HNRNPUL1: variants seen among roughly 807,000 people sequenced by gnomAD.
The protein encoded by HNRNPUL1 is heterogeneous nuclear ribonucleoprotein U-like protein 1.
Under a neutral mutation model 108.5 loss-of-function variants are expected in HNRNPUL1, and 14 were observed. The ratio of observed to expected loss-of-function variants is 0.13; its 90% CI spans 0.09 to 0.20. HNRNPUL1 has a LOEUF of 0.20. HNRNPUL1 is among the 10% of genes least tolerant of loss of function. HNRNPUL1 has a pLI of 1.00. For missense variants in HNRNPUL1, 804 were observed against 1,168.3 expected, an observed-to-expected ratio of 0.69 and a Z score of 4.55; for synonymous variants, 422 against 445.2, an observed-to-expected ratio of 0.95 and a Z score of 0.66.
intron 11 of HNRNPUL1, among the ~76,000 whole-genome samples, chr19:41,302,221 T>G (rs1222469929): frequency 1.4e-5 from 2 of 144,468 alleles, no homozygotes; most frequent in Non-Finnish European, 3.0e-5. Flanking sequence ...TCTGTTTTTT[T>G]TTTTTTTTTT....
chr19:41,276,130 C>G, intron 4 of HNRNPUL1, 29 bp from the exon 5 acceptor site: 1 of 1,613,538 alleles, frequency 6.2e-7, no homozygotes, highest in Non-Finnish European at 8.5e-7. Context: ...ATAAAAACAT[C>G]AGCCAACTGT....
chr19:41,273,912 G>T, intron 3 of HNRNPUL1, 70 bp from the exon 4 acceptor site: 1 of 1,274,200 alleles, frequency 7.8e-7, no homozygotes, highest in South Asian at 1.2e-5. Context: ...GATTACAGCA[G>T]AACATTCATT....
intron 2 of HNRNPUL1, among the ~76,000 whole-genome samples, chr19:41,271,577 G>A (rs1568430537): frequency 6.6e-6 from 1 of 152,200 alleles, no homozygotes; most frequent in Non-Finnish European, 1.5e-5. Flanking sequence ...TCTTGGTTAG[G>A]CACTGATTCC....
chr19:41,292,121 G>T lies in HNRNPUL1; in HGVS notation c.1000-124G>T. On this transcript the variant is annotated intron_variant, in intron 7 of 14. Transcript: ENST00000392006. This position sits in a 1 kb window ranked among gnomAD's most constrained non-coding sequence, Gnocchi z 4.1. ...CTGCCCAGCTTACCTGTATGTTGGG[G>T]AAGGATGCACTTCAATCTGGAAAGC... 2 of 965,042 alleles carry T rather than the reference G, an allele frequency of 2.1e-6. No homozygotes were observed. The highest frequency in any genetic ancestry group is 1.6e-6 in the Non-Finnish European group (1 of 617,824). 59.8% of individuals were successfully genotyped at this position (965,042 alleles called of 1,614,324 possible). A position where few individuals can be genotyped will look rare whatever the true frequency, so the allele number is the denominator to read the frequency against.
chr19:41,291,961 C>T (rs2036597189), intron 7 of HNRNPUL1: 2 of 355,420 alleles, frequency 5.6e-6, no homozygotes, highest in South Asian at 2.8e-5. Context: ...GCCTGGGGGA[C>T]AGGGTGAGAC....
Position 41,264,740 on chromosome 19 carries a change from G to A in HNRNPUL1, c.237G>A (p.Pro79=), listed in dbSNP as rs761418797. ...AGCTGGAGGGGACCGCGCAGCCACC[G>A]CCGCCCGGGCTGCAGCCGCACGCGG... ...GSELEGTAQP[P]PPGLQPHAEP... is the part of the protein sequence containing the mutation. The change falls in exon 1 of 15, where the codon CCG becomes CCA. Residue 79 remains proline (P), a synonymous_variant. Transcript: ENST00000392006. 5 of 1,401,190 alleles carry A rather than the reference G, an allele frequency of 3.6e-6. No individual in the cohort carries two copies. The highest frequency in any genetic ancestry group is 4.6e-6 in the Non-Finnish European group (5 of 1,081,298). 86.8% of individuals were successfully genotyped at this position (1,401,190 alleles called of 1,614,324 possible).
At position 41,291,350 on chromosome 19, in the gene HNRNPUL1, T is replaced by C. The variant is rs115760157; in HGVS notation, c.1000-895T>C. 9.4e-3 allele frequency among the ~76,000 whole-genome samples: 1,431 copies of C among 152,288 alleles called. 19 individuals are homozygous for C. Among genetic ancestry groups the C allele is most frequent in the African/African-American group, 0.033 (1,369 of 41,558 alleles). On this transcript the variant is annotated intron_variant, in intron 7 of 14. Transcript: ENST00000392006. ...GTCCCAGATTATGCAGACATGTGTA[T>C]CAGAAAGAGTACGAACTCAGGGAAC...
At chr19:41,288,627 AATTG>A (rs1213878938) in intron 7 of HNRNPUL1, among the ~76,000 whole-genome samples, 1 of 152,162 alleles carries the variant, frequency 6.6e-6, no homozygotes, top group African/African-American at 2.4e-5. Context: ...ACTGTACCAT[AATTG>A]ATTTAACCTA....
chr19:41,279,524 T>C (rs2035780978), intron 6 of HNRNPUL1, among the ~76,000 whole-genome samples: 1 of 152,234 alleles, frequency 6.6e-6, no homozygotes, highest in Non-Finnish European at 1.5e-5. Context: ...CATTAAGTTC[T>C]GTCTGTATTT....
At chr19:41,282,780 C>T (rs1387529758) in intron 7 of HNRNPUL1, among the ~76,000 whole-genome samples, 1 of 149,386 alleles carries the variant, frequency 6.7e-6, no homozygotes, top group East Asian at 2.0e-4. Flanking sequence ...AGCTCCGCCT[C>T]CCGGGTTCAC....
intron 10 of HNRNPUL1, among the ~76,000 whole-genome samples, chr19:41,301,206 A>T (rs1006742750): frequency 1.3e-5 from 2 of 152,166 alleles, no homozygotes; most frequent in African/African-American, 2.4e-5. Flanking sequence ...TATACTGTGA[A>T]TTTTTTTACC....
chr19:41,277,109 CAAAAAAACAAAAACA>C (rs2035607646), intron 5 of HNRNPUL1, among the ~76,000 whole-genome samples: 1 of 111,462 alleles, frequency 9.0e-6, no homozygotes, highest in African/African-American at 3.0e-5. Context: ...AAAAAAAAAA[CAAAAAAACAAAAACA>C]AAAAAAACAA....
At chr19:41,268,087 T>G in intron 1 of HNRNPUL1, 136 bp from the exon 2 acceptor site, 1 of 812,954 alleles carries the variant, frequency 1.2e-6, no homozygotes, top group Non-Finnish European at 1.9e-6. Flanking sequence ...ATAGTATGCA[T>G]GCCATGAATA....
At chr19:41,269,333 A>G (rs938186696) in intron 2 of HNRNPUL1, among the ~76,000 whole-genome samples, 1 of 151,826 alleles carries the variant, frequency 6.6e-6, no homozygotes. Context: ...AGGCATGGCT[A>G]TGACTGACTA....
chr19:41,292,097 T>A lies in HNRNPUL1; in HGVS notation c.1000-148T>A. The A allele has an allele frequency of 1.2e-6, 1 of 820,946 alleles. No homozygotes were observed. Among genetic ancestry groups the A allele is most frequent in the Non-Finnish European group, 2.0e-6 (1 of 499,496 alleles). 50.9% of individuals were successfully genotyped at this position (820,946 alleles called of 1,614,324 possible). ...CATTCTCTGAGATGTTCACTGATGC[T>A]GCCCAGCTTACCTGTATGTTGGGGA... On this transcript the variant is annotated intron_variant, in intron 7 of 14. Transcript: ENST00000392006. The surrounding 1 kb of genome is among the most constrained non-coding windows in gnomAD (Gnocchi z 4.1).
intron 7 of HNRNPUL1, among the ~76,000 whole-genome samples, chr19:41,285,587 T>A (rs2036174965): frequency 6.6e-6 from 1 of 152,176 alleles, no homozygotes; most frequent in South Asian, 2.1e-4. Flanking sequence ...CAGTTGCCAG[T>A]CATTTGGTTG....
chr19:41,292,606 C>G lies in HNRNPUL1; in HGVS notation c.1266+95C>G. The G allele has an allele frequency of 6.7e-7, 1 of 1,490,892 alleles. No individual in the cohort carries two copies. Among genetic ancestry groups the G allele is most frequent in the Non-Finnish European group, 9.2e-7 (1 of 1,085,142 alleles). The allele number at this position is 1,490,892 out of a possible 1,614,324, so 92.4% of individuals were successfully genotyped here. A position where few individuals can be genotyped will look rare whatever the true frequency, so the allele number is the denominator to read the frequency against. On this transcript the variant is annotated intron_variant, in intron 8 of 14. Coordinates refer to ENST00000392006, the MANE Select transcript of HNRNPUL1 (RefSeq NM_007040.6). The surrounding 1 kb of genome is among the most constrained non-coding windows in gnomAD (Gnocchi z 4.1). ...CACACAGACTTGCTGCGAGAGTAGCCTTGGGGCAAGTGGCCACTTTGTCCC... is the reference window on the plus strand; with the variant it reads ...CACACAGACTTGCTGCGAGAGTAGCGTTGGGGCAAGTGGCCACTTTGTCCC...
Position 41,284,726 on chromosome 19 carries a change from G to A in HNRNPUL1, c.999+3451G>A, listed in dbSNP as rs554715580. Among the ~76,000 whole-genome samples the A allele has an allele frequency of 1.5e-4, 22 of 150,732 alleles. No individual in the cohort carries two copies. In the South Asian group the frequency reaches 4.4e-3, roughly 30 times the overall value. ...TAAGAAAGGCATACCTGCCGGGCAC[G>A]GTGGCTCACGCCTGTAATCCCAGCA... On this transcript the variant is annotated intron_variant, in intron 7 of 14. Coordinates refer to ENST00000392006, the MANE Select transcript of HNRNPUL1 (RefSeq NM_007040.6).
At chr19:41,286,486 A>T (rs1219406965) in intron 7 of HNRNPUL1, 1 of 151,840 alleles carries the variant, frequency 6.6e-6, no homozygotes, top group African/African-American at 2.4e-5. Context: ...GATCAGCATG[A>T]GAGTTTTGAC....
Sources: gnomAD v4.1 joint callset for allele counts (sites outside exome capture counted in the v4.1 genomes callset) on GRCh38, gnomAD v4.1.1 for gene constraint, Gnocchi (gnomAD v3.1) non-coding constraint, MANE v1.5 for transcripts, NCBI Gene and HGNC (gene_info 2026-07-23, HGNC 2026-07-21) for gene names.